Variants in DHRSX observed in about 807,000 individuals in gnomAD.
DHRSX encodes the protein polyprenol dehydrogenase.
A neutral mutation model predicts 34.0 loss-of-function variants in DHRSX; 31 were observed. The ratio of observed to expected loss-of-function variants is 0.91; its 90% CI spans 0.69 to 1.23. The LOEUF (loss-of-function observed/expected upper bound fraction) is 1.23. Ranked by LOEUF, DHRSX falls within the 50% of genes most tolerant of loss-of-function variation. The pLI, the probability that DHRSX is intolerant of heterozygous loss-of-function variation, is 0.00. For missense variants in DHRSX, 414 were observed against 428.1 expected (o/e 0.97, Z 0.29); for synonymous variants, 201 against 183.8 (o/e 1.09, Z -0.76).
chrX:2,321,585 T>C (rs867784031), intron 3 of DHRSX, among the ~76,000 whole-genome samples: 4 of 139,370 alleles, frequency 2.9e-5, no homozygotes, highest in Non-Finnish European at 4.4e-5. Context: ...TCCACCCCCC[T>C]CTCTCTCTGC....
intron 6 of DHRSX, among the ~76,000 whole-genome samples, chrX:2,224,197 ACC>A (rs1174044076): frequency 6.6e-6 from 1 of 152,150 alleles, no homozygotes; most frequent in Non-Finnish European, 1.5e-5. Flanking sequence ...CTGTGTCTTG[ACC>A]ATGTAGTATG....
chrX:2,461,473 A>T (rs2044401153), intron 1 of DHRSX, among the ~76,000 whole-genome samples: 4 of 152,356 alleles, frequency 2.6e-5, no homozygotes, highest in African/African-American at 9.6e-5. Flanking sequence ...TAGCTCACGT[A>T]AATTAGGGCA....
At chrX:2,374,409 G>T (rs1303688955) in intron 3 of DHRSX, among the ~76,000 whole-genome samples, 1 of 151,514 alleles carries the variant, frequency 6.6e-6, no homozygotes, top group Non-Finnish European at 1.5e-5. Context: ...GACCACCCAG[G>T]GCAACATAGT....
intron 3 of DHRSX, among the ~76,000 whole-genome samples, chrX:2,315,161 T>TAA (rs113630318): frequency 1.5e-5 from 2 of 137,662 alleles, no homozygotes; most frequent in African/African-American, 2.6e-5. Context: ...TCCGTTTCAA[T>TAA]AAAAAAAAAA....
intron 1 of DHRSX, among the ~76,000 whole-genome samples, chrX:2,485,772 GAAGGGA>G (rs2044892426): frequency 4.6e-5 from 1 of 21,922 alleles, no homozygotes; most frequent in African/African-American, 1.8e-4. Flanking sequence ...GAGAAGGAAG[GAAGGGA>G]GAAAAGGGAG....
rs528271535 is a variant in DHRSX at position 2,454,500 on chromosome X, C to T, written c.110-29196G>A. Among the ~76,000 whole-genome samples, 10 of 146,714 alleles carry T rather than the reference C, an allele frequency of 6.8e-5. No homozygotes were observed. The South Asian group carries it at 2.2e-3, about 32-fold the overall frequency. On this transcript the variant is annotated intron_variant, in intron 1 of 6. Coordinates refer to ENST00000334651, the MANE Select transcript of DHRSX (RefSeq NM_145177.3). Reference sequence around the variant, plus strand: ...CGAGATTGAGCTATTGCACTCCGGCCTGGGCAACAAGAGAGAAACTCCGTC... The same window carrying T: ...CGAGATTGAGCTATTGCACTCCGGCTTGGGCAACAAGAGAGAAACTCCGTC...
At chrX:2,253,575 G>C (rs1330918140) in intron 5 of DHRSX, among the ~76,000 whole-genome samples, 3 of 152,244 alleles carry the variant, frequency 2.0e-5, no homozygotes, top group African/African-American at 7.2e-5. Context: ...GGGTGAGACA[G>C]GGAGACTGCC....
chrX:2,354,021 T>A (rs1204839364), intron 3 of DHRSX, among the ~76,000 whole-genome samples: 2 of 152,064 alleles, frequency 1.3e-5, no homozygotes, highest in Non-Finnish European at 2.9e-5. Context: ...CTTTTCTACA[T>A]GACTCCAGCA....
chrX:2,252,610 G>A (rs1310895796), intron 5 of DHRSX, among the ~76,000 whole-genome samples: 1 of 152,148 alleles, frequency 6.6e-6, no homozygotes, highest in African/African-American at 2.4e-5. Context: ...TAAATGGAGG[G>A]GTTGGTTCTG....
chrX:2,389,967 G>C (rs767832913), intron 3 of DHRSX, among the ~76,000 whole-genome samples: 1 of 151,998 alleles, frequency 6.6e-6, no homozygotes, highest in South Asian at 2.1e-4. Context: ...TTTTAGTAGA[G>C]AAGGGGTTTC....
At chrX:2,392,158 T>C (rs1320208968) in intron 3 of DHRSX, among the ~76,000 whole-genome samples, 1 of 152,144 alleles carries the variant, frequency 6.6e-6, no homozygotes, top group African/African-American at 2.4e-5. Flanking sequence ...ATCCTGGTCC[T>C]TCCTGGGGAA....
chrX:2,431,186 G>C (rs182282030), intron 1 of DHRSX, among the ~76,000 whole-genome samples: 2 of 151,882 alleles, frequency 1.3e-5, no homozygotes, highest in Admixed American at 1.3e-4. Flanking sequence ...TTAGCCTGGC[G>C]TGGTGGCGGG....
chrX:2,223,169 G>GT (rs2015559578), intron 6 of DHRSX, among the ~76,000 whole-genome samples: 4 of 152,172 alleles, frequency 2.6e-5, no homozygotes, highest in Admixed American at 1.3e-4. Context: ...TAATTCCCAT[G>GT]TGTCAAGGGA....
At chrX:2,333,228 C>A (rs750593508) in intron 3 of DHRSX, among the ~76,000 whole-genome samples, 1 of 152,080 alleles carries the variant, frequency 6.6e-6, no homozygotes, top group Admixed American at 6.6e-5. Flanking sequence ...ATTTTTTGAA[C>A]GTTTTTGAGT....
chrX:2,423,291 TA>T (rs2043804033), intron 2 of DHRSX, among the ~76,000 whole-genome samples: 1 of 151,916 alleles, frequency 6.6e-6, no homozygotes, highest in Non-Finnish European at 1.5e-5. Flanking sequence ...CGGGCGCCTG[TA>T]ATCCCAGCTA....
intron 4 of DHRSX, among the ~76,000 whole-genome samples, chrX:2,290,056 A>G (rs532266282): frequency 1.3e-5 from 2 of 152,298 alleles, no homozygotes; most frequent in African/African-American, 4.8e-5. Flanking sequence ...TCATACATCA[A>G]ATACATATAC....
chrX:2,408,369 C>A (rs1259468484), intron 3 of DHRSX, among the ~76,000 whole-genome samples: 1 of 152,044 alleles, frequency 6.6e-6, no homozygotes, highest in Non-Finnish European at 1.5e-5. Flanking sequence ...CCACTGCGCC[C>A]GGCCTGATTT....
At chrX:2,293,588 A>G (rs2041892981) in intron 3 of DHRSX, among the ~76,000 whole-genome samples, 1 of 152,104 alleles carries the variant, frequency 6.6e-6, no homozygotes, top group African/African-American at 2.4e-5. Flanking sequence ...AGCAAATCAC[A>G]GCATGTGTGC....
intron 1 of DHRSX, among the ~76,000 whole-genome samples, chrX:2,446,202 C>T (rs189330897): frequency 3.9e-5 from 6 of 151,920 alleles, no homozygotes; most frequent in East Asian, 1.9e-4. Flanking sequence ...AAGGGACTGC[C>T]GCCATGTACA....
Sources: allele counts gnomAD v4.1 joint callset (sites outside exome capture counted in the v4.1 genomes callset), GRCh38; gene constraint gnomAD v4.1.1; transcripts MANE v1.5; gene names NCBI Gene and HGNC (gene_info 2026-07-23, HGNC 2026-07-21).